The following ATP9A variants were observed in gnomAD, a reference collection of about 807,000 sequenced individuals.
ATP9A encodes ATPase phospholipid transporting 9A.
ATP9A carries 52 observed loss-of-function variants against 144.1 expected under a neutral mutation model. The ratio of observed to expected loss-of-function variants is 0.36; its 90% confidence interval spans 0.29 to 0.45. The LOEUF is 0.45. ATP9A is among the 20% of genes least tolerant of loss of function. The pLI is 1.00. For missense variants in ATP9A, 947 were observed against 1,392.7 expected, an observed-to-expected ratio of 0.68 and a Z score of 5.09; for synonymous variants, 582 against 557.4, an observed-to-expected ratio of 1.04 and a Z score of -0.62.
At chr20:51,663,465 A>G (rs1023561372) in intron 13 of ATP9A, among the ~76,000 whole-genome samples, 5 of 152,180 alleles carry the variant, frequency 3.3e-5, no homozygotes, top group Non-Finnish European at 7.3e-5. Flanking sequence ...AGTAGGCTCC[A>G]TGTCCCAGAG....
intron 14 of ATP9A, among the ~76,000 whole-genome samples, chr20:51,656,040 T>C (rs1206830190): frequency 6.6e-6 from 1 of 152,116 alleles, no homozygotes; most frequent in African/African-American, 2.4e-5. Context: ...AGGCCACCTA[T>C]TGTATGGTTC....
At chr20:51,743,692 C>T (rs1199506714) in intron 1 of ATP9A, among the ~76,000 whole-genome samples, 3 of 142,558 alleles carry the variant, frequency 2.1e-5, no homozygotes, top group South Asian at 2.3e-4. Context: ...CATGAGCCAC[C>T]GTGCCCAGCC....
At chr20:51,729,133 A>G (rs2077728435) in intron 2 of ATP9A, among the ~76,000 whole-genome samples, 1 of 152,148 alleles carries the variant, frequency 6.6e-6, no homozygotes, top group Non-Finnish European at 1.5e-5. Flanking sequence ...TTATCTCCCA[A>G]CTTGCCAATA....
intron 4 of ATP9A, among the ~76,000 whole-genome samples, chr20:51,708,210 G>C (rs1165314600): frequency 6.6e-6 from 1 of 151,860 alleles, no homozygotes; most frequent in Non-Finnish European, 1.5e-5. Flanking sequence ...CCAGCACTTT[G>C]GGAGGGTGAG....
At chr20:51,714,256 C>A (rs556818910) in intron 3 of ATP9A, among the ~76,000 whole-genome samples, 1 of 152,206 alleles carries the variant, frequency 6.6e-6, no homozygotes, top group Admixed American at 6.5e-5. Context: ...GACCTTGGCT[C>A]ACTGCAATCT....
At chr20:51,711,685 T>C (rs1263380422) in intron 4 of ATP9A, among the ~76,000 whole-genome samples, 2 of 152,168 alleles carry the variant, frequency 1.3e-5, no homozygotes, top group Non-Finnish European at 2.9e-5. Context: ...TCTATTGTAG[T>C]CAGACACAGA....
chr20:51,680,884 C>T (rs532845746), intron 9 of ATP9A, among the ~76,000 whole-genome samples: 4 of 152,160 alleles, frequency 2.6e-5, no homozygotes, highest in African/African-American at 7.2e-5. Flanking sequence ...CCAAATCATA[C>T]ACCCACTAAG....
intron 11 of ATP9A, among the ~76,000 whole-genome samples, chr20:51,672,046 C>T (rs4809862): frequency 0.26 from 39,365 of 152,008 alleles, 5,665 homozygotes; most frequent in East Asian, 0.48. Context: ...GTGATCCACC[C>T]GTCTTGGCCT....
chr20:51,757,313 C>T (rs532018423), intron 1 of ATP9A, among the ~76,000 whole-genome samples: 45 of 152,282 alleles, frequency 3.0e-4, no homozygotes, highest in African/African-American at 8.4e-4. Context: ...CCACCAAGCC[C>T]GGCCCCAAGC....
chr20:51,635,801 G>GAA (rs2077288623), intron 15 of ATP9A, among the ~76,000 whole-genome samples: 1 of 64,700 alleles, frequency 1.5e-5, no homozygotes, highest in Non-Finnish European at 3.1e-5. Flanking sequence ...GAGGAGGGGA[G>GAA]GAGGAAGGAA....
chr20:51,677,017 T>A (rs1275787714), intron 9 of ATP9A, among the ~76,000 whole-genome samples: 2 of 139,848 alleles, frequency 1.4e-5, no homozygotes, highest in African/African-American at 5.3e-5. Flanking sequence ...CACTGCAGCC[T>A]CAACATCCTG....
At chr20:51,701,023 C>T (rs779228561) in intron 4 of ATP9A, among the ~76,000 whole-genome samples, 1 of 151,894 alleles carries the variant, frequency 6.6e-6, no homozygotes, top group Non-Finnish European at 1.5e-5. Flanking sequence ...GTAAATTCAA[C>T]GTGGCCCTCA....
intron 1 of ATP9A, among the ~76,000 whole-genome samples, chr20:51,755,305 C>T (rs139340335): frequency 0.011 from 1,700 of 148,520 alleles, 42 homozygotes; most frequent in African/African-American, 0.04. Context: ...CGTGGTGCCA[C>T]GGGCCTGTAA....
At chr20:51,675,906 C>G (rs528007188) in intron 10 of ATP9A, among the ~76,000 whole-genome samples, 1 of 145,668 alleles carries the variant, frequency 6.9e-6, no homozygotes, top group South Asian at 2.1e-4. Context: ...AAAAAAGGCA[C>G]AAAAAAGTCA....
rs1023795856 is a variant in ATP9A, at chr20:51,598,011, T to C, written c.*3200A>G. 2.6e-5 allele frequency: 4 copies of C among 152,086 alleles called. No individual in the cohort carries two copies. Among genetic ancestry groups the C allele is most frequent in the Admixed American group, 1.3e-4 (2 of 15,274 alleles). 9.4% of individuals were successfully genotyped at this position (152,086 alleles called of 1,614,324 possible). ...AGGGAGGTCTGCTCCAACTTTAAGATGCGCCCTTGGGATGCCTTCCAAGCA... is the reference window on the plus strand; with the variant it reads ...AGGGAGGTCTGCTCCAACTTTAAGACGCGCCCTTGGGATGCCTTCCAAGCA... On this transcript the variant is annotated 3_prime_UTR_variant, in exon 28 of 28. Coordinates refer to ENST00000338821, the MANE Select transcript of ATP9A (RefSeq NM_006045.3).
At chr20:51,763,300 C>T (rs1369348947) in intron 1 of ATP9A, among the ~76,000 whole-genome samples, 1 of 149,196 alleles carries the variant, frequency 6.7e-6, no homozygotes, top group African/African-American at 2.5e-5. Flanking sequence ...TTTTTTTAAT[C>T]AATGGTTTAC....
chr20:51,712,132 G>A (rs1170941111), intron 4 of ATP9A, among the ~76,000 whole-genome samples: 1 of 150,998 alleles, frequency 6.6e-6, no homozygotes, highest in Admixed American at 6.6e-5. Context: ...GAGTGCAGTG[G>A]CGCGGTCTAT....
At chr20:51,637,999 C>T (rs1436160910) in intron 15 of ATP9A, among the ~76,000 whole-genome samples, 1 of 144,704 alleles carries the variant, frequency 6.9e-6, no homozygotes, top group African/African-American at 2.6e-5. Context: ...GATAATAGTC[C>T]CCAATCCCAT....
rs148980809 is a variant in ATP9A at position 51,698,253 on chromosome 20, G to A, written c.437-771C>T. Among the ~76,000 whole-genome samples the A allele has an allele frequency of 5.2e-3, 797 of 152,338 alleles. 15 individuals carry two copies. Among genetic ancestry groups the A allele is most frequent in the Non-Finnish European group, 4.2e-3 (283 of 68,038 alleles). ...AAAAAACATGACTGGGCCAGGCACA[G>A]TGGCTCACATCTGTAGTCCCAGGAC... On this transcript the variant is annotated intron_variant, in intron 4 of 27. Coordinates refer to ENST00000338821, the MANE Select transcript of ATP9A (RefSeq NM_006045.3).
Sources: gnomAD v4.1 joint callset for allele counts (sites outside exome capture counted in the v4.1 genomes callset) on GRCh38, gnomAD v4.1.1 for gene constraint, MANE v1.5 for transcripts, NCBI Gene and HGNC (gene_info 2026-07-23, HGNC 2026-07-21) for gene names.